Variants in MLLT10 observed in about 807,000 individuals in gnomAD.
The protein encoded by MLLT10 is MLLT10 histone lysine methyltransferase DOT1L cofactor, also known as protein AF-10.
Under a neutral mutation model 129.1 loss-of-function variants are expected in MLLT10, and 30 were observed. The ratio of observed to expected loss-of-function variants is 0.23; its 90% CI spans 0.17 to 0.32. The LOEUF is 0.32. Among genes scored for constraint, MLLT10 ranks in the 10% least tolerant of loss-of-function variants. The pLI is 1.00. For missense variants in MLLT10, 1,119 were observed against 1,268.3 expected, an observed-to-expected ratio of 0.88 and a Z score of 1.79; for synonymous variants, 490 against 446.4, an observed-to-expected ratio of 1.10 and a Z score of -1.23.
intron 20 of MLLT10, among the ~76,000 whole-genome samples, chr10:21,734,665 G>T (rs1324526829): frequency 6.6e-6 from 1 of 152,142 alleles, no homozygotes; most frequent in Admixed American, 6.5e-5. Flanking sequence ...CTTTTAAATG[G>T]ATTTGCAGTG....
At chr10:21,657,309 C>T (rs748731324) in intron 9 of MLLT10, among the ~76,000 whole-genome samples, 1 of 147,518 alleles carries the variant, frequency 6.8e-6, no homozygotes, top group Non-Finnish European at 1.5e-5. Context: ...AGGAGAATTG[C>T]TTGAACCCCA....
intron 8 of MLLT10, among the ~76,000 whole-genome samples, chr10:21,633,391 G>A (rs1272005415): frequency 6.6e-6 from 1 of 152,188 alleles, no homozygotes; most frequent in African/African-American, 2.4e-5. Flanking sequence ...AAGATACATA[G>A]TGTATTCCCA....
chr10:21,713,876 G>A lies in MLLT10; in HGVS notation c.1804G>A (p.Gly602Arg). Reference sequence around the variant, plus strand: ...CTCTCACTTACCTCAGCAGTCTTCTGGGCATTTGCAACAAGTAGGAGCGCT... The same window carrying A: ...CTCTCACTTACCTCAGCAGTCTTCTAGGCATTTGCAACAAGTAGGAGCGCT... ...SSSHLPQQSS[G>R]HLQQVGALSP... Residue 602 changes from glycine (G) to arginine (R), a missense_variant, in exon 14 of 23, where the codon GGG becomes AGG. Physicochemically the swap from Gly to Arg is moderately radical, Grantham distance 125. Coordinates refer to ENST00000307729, the MANE Select transcript of MLLT10 (RefSeq NM_001195626.3). 1 of 1,613,964 alleles carries A rather than the reference G, an allele frequency of 6.2e-7. No individual in the cohort carries two copies. Among genetic ancestry groups the A allele is most frequent in the Non-Finnish European group, 8.5e-7 (1 of 1,179,960 alleles).
intron 3 of MLLT10, among the ~76,000 whole-genome samples, chr10:21,583,716 AACTC>A (rs2041699525): frequency 6.6e-6 from 1 of 152,080 alleles, no homozygotes; most frequent in Admixed American, 6.6e-5. Flanking sequence ...AACAGCAAGA[AACTC>A]ACTCATTACC....
chr10:21,624,792 C>T (rs1461337038), intron 8 of MLLT10: 2 of 1,066,004 alleles, frequency 1.9e-6, no homozygotes, highest in Non-Finnish European at 2.8e-6. Context: ...CTACATTGTC[C>T]CCTGATTGCC....
At chr10:21,731,089 AG>A (rs1564738518) in intron 17 of MLLT10, 35 bp downstream of exon 17, 2 of 1,561,092 alleles carry the variant, frequency 1.3e-6, no homozygotes, top group East Asian at 2.2e-5. Context: ...GAATCAAGAC[AG>A]ATGGGCAGAT....
At chr10:21,576,205 C>CGT in intron 3 of MLLT10, among the ~76,000 whole-genome samples, 1 of 151,002 alleles carries the variant, frequency 6.6e-6, no homozygotes, top group South Asian at 2.1e-4. Flanking sequence ...GCTGGGGTTA[C>CGT]AGGCGTGAGC....
At chr10:21,602,586 A>G (rs1444662451) in intron 5 of MLLT10, among the ~76,000 whole-genome samples, 3 of 152,228 alleles carry the variant, frequency 2.0e-5, no homozygotes, top group African/African-American at 7.2e-5. Context: ...AGGGGCATAT[A>G]GATCATTTTT....
chr10:21,585,124 G>A (rs536098295), intron 3 of MLLT10, among the ~76,000 whole-genome samples: 78 of 151,690 alleles, frequency 5.1e-4, no homozygotes, highest in African/African-American at 1.7e-3. Context: ...GGATTTTGCC[G>A]TGTCGCCCAG....
intron 14 of MLLT10, among the ~76,000 whole-genome samples, chr10:21,721,147 T>G (rs894403990): frequency 4.6e-5 from 7 of 152,200 alleles, no homozygotes; most frequent in Non-Finnish European, 1.0e-4. Flanking sequence ...GCAGCTAGTT[T>G]AGAGCTTTTT....
At chr10:21,538,665 TTAAG>T (rs1431186885) in intron 2 of MLLT10, among the ~76,000 whole-genome samples, 164 bp from the exon 3 acceptor site, 4 of 152,200 alleles carry the variant, frequency 2.6e-5, no homozygotes, top group Admixed American at 2.0e-4. Context: ...TACTTGTTAA[TTAAG>T]TAAGCTGTAT....
intron 10 of MLLT10, 32 bp from the exon 11 acceptor site, chr10:21,673,318 C>CCCTG: frequency 3.3e-6 from 1 of 307,342 alleles, no homozygotes. Flanking sequence ...CACCCCCCAA[C>CCCTG]TTTTTTTTTT....
chr10:21,556,631 AT>A, intron 3 of MLLT10: 1 of 1,599,394 alleles, frequency 6.3e-7, no homozygotes, highest in South Asian at 1.1e-5. Flanking sequence ...GATTGTTTTG[AT>A]TGCTTTTCAG....
At chr10:21,719,971 C>T (rs775517735) in intron 14 of MLLT10, among the ~76,000 whole-genome samples, 1 of 152,158 alleles carries the variant, frequency 6.6e-6, no homozygotes. Context: ...GGATTAAGGT[C>T]TTTCCCAGTT....
At chr10:21,705,441 T>C (rs1422759468) in intron 13 of MLLT10, among the ~76,000 whole-genome samples, 1 of 152,178 alleles carries the variant, frequency 6.6e-6, no homozygotes, top group Non-Finnish European at 1.5e-5. Context: ...CTGATGGTAT[T>C]TGCAGGTACC....
Position 21,743,409 on chromosome 10 carries a change from T to G in MLLT10, c.*1426T>G, listed in dbSNP as rs1041788320. ...GATTTAATTGAAAAGTAAAATTAAT[T>G]TATTTTTATATGTTCAGGGGAATTT... is the stretch of plus-strand genomic sequence containing the variant. On this transcript the variant is annotated 3_prime_UTR_variant, in exon 23 of 23. Coordinates refer to ENST00000307729, the MANE Select transcript of MLLT10 (RefSeq NM_001195626.3). 2.0e-5 allele frequency: 4 copies of G among 200,130 alleles called. No individual in the cohort carries two copies. The highest frequency in any genetic ancestry group is 9.2e-5 in the African/African-American group (4 of 43,508). The allele number at this position is 200,130 out of a possible 1,614,324, so 12.4% of individuals were successfully genotyped here.
chr10:21,566,400 C>T lies in MLLT10; in HGVS notation c.241-19894C>T, dbSNP rs1173233298. 5.3e-5 allele frequency among the ~76,000 whole-genome samples: 8 copies of T among 150,404 alleles called. No homozygotes were observed. In the Admixed American group the frequency reaches 5.3e-4, roughly 10 times the overall value. ...CTGGAGTGCAGTGGCTCAATCTTGG[C>T]CCACTGCAACCTCTGCCTCCCGGGT... On this transcript the variant is annotated intron_variant, in intron 3 of 22. Transcript: ENST00000307729.
At chr10:21,699,170 C>T (rs553929413) in intron 13 of MLLT10, among the ~76,000 whole-genome samples, 70 of 152,224 alleles carry the variant, frequency 4.6e-4, no homozygotes, top group African/African-American at 1.5e-3. Context: ...CCACCGTGCC[C>T]AGCATTTGTA....
At chr10:21,686,265 T>C (rs1351043678) in intron 13 of MLLT10, among the ~76,000 whole-genome samples, 2 of 152,312 alleles carry the variant, frequency 1.3e-5, no homozygotes, top group East Asian at 3.9e-4. Flanking sequence ...CTCCATATAG[T>C]ATTCTTTAAG....
Sources: gnomAD v4.1 joint callset for allele counts (sites outside exome capture counted in the v4.1 genomes callset) on GRCh38, gnomAD v4.1.1 for gene constraint, MANE v1.5 for transcripts, NCBI Gene and HGNC (gene_info 2026-07-23, HGNC 2026-07-21) for gene names.